Variants in NIN observed in about 807,000 individuals in gnomAD.
NIN encodes glycogen synthase kinase 3 beta-interacting protein.
NIN carries 137 observed loss-of-function variants against 257.6 expected under a neutral mutation model. That is an observed-to-expected ratio of 0.53 (90% CI 0.46 to 0.61). The LOEUF is 0.61. NIN is among the 20% of genes least tolerant of loss of function. The pLI, the probability that NIN is intolerant of heterozygous loss-of-function variation, is 0.00. For missense variants in NIN, 2,439 were observed against 2,501.2 expected, an observed-to-expected ratio of 0.98 and a Z score of 0.53; for synonymous variants, 918 against 919.8, an observed-to-expected ratio of 1.00 and a Z score of 0.04.
Position 50,766,336 on chromosome 14 carries a change from T to A in NIN, c.1606A>T (p.Met536Leu), listed in dbSNP as rs1299054128. ...FFLQEERLTQ[M>L]RNEYERQCRV... The stretch of plus-strand genomic sequence containing the variant: ...CACTGCCGCTCATATTCATTTCTCA[T>A]CTGTGTCAGTCTCTCTTCTTGCAGG... Residue 536 changes from methionine (M) to leucine (L), a missense_variant, in exon 14 of 31, where the codon ATG becomes TTG. By Grantham distance (15) the Met-to-Leu change is conservative. This residue lies in a region of NIN where 2,043 missense variants were observed against 2,050.2 expected (regional missense o/e 1.00). Transcript: ENST00000530997. 1.9e-6 allele frequency: 3 copies of A among 1,613,978 alleles called. No homozygotes were observed. Among genetic ancestry groups the A allele is most frequent in the East Asian group, 4.5e-5 (2 of 44,888 alleles).
chr14:50,745,128 C>T (rs993227747), intron 22 of NIN, among the ~76,000 whole-genome samples: 4 of 152,034 alleles, frequency 2.6e-5, no homozygotes, highest in Non-Finnish European at 5.9e-5. Flanking sequence ...TCAAGACAAA[C>T]CAAATACTGT....
Position 50,757,521 on chromosome 14 carries a change from A to G in NIN, c.3509T>C (p.Ile1170Thr). Residue 1170 changes from isoleucine to threonine, a missense_variant, in exon 18 of 31, where the codon ATA becomes ACA. This residue lies in a region of NIN where 2,043 missense variants were observed against 2,050.2 expected (regional missense o/e 1.00). Transcript: ENST00000530997. ...CTCTACTGAAGCTTCAGACTCCTCT[A>G]TTTTGACTTCCTGTCTCTGAACAGA... The part of the protein sequence containing the change: ...TSSVQRQEVK[I>T]EESEASVEGF... The G allele has an allele frequency of 6.2e-6, 10 of 1,613,844 alleles. No homozygotes were observed. Among genetic ancestry groups the G allele is most frequent in the Non-Finnish European group, 7.6e-6 (9 of 1,179,938 alleles).
At chr14:50,821,742 CA>C in intron 3 of NIN, 131 bp downstream of exon 3, 1 of 730,840 alleles carries the variant, frequency 1.4e-6, no homozygotes, top group Non-Finnish European at 2.3e-6. Context: ...ACACCCATTA[CA>C]TTCTTCTTTT....
At chr14:50,794,749 T>G (rs2043759468) in intron 4 of NIN, among the ~76,000 whole-genome samples, 1 of 146,782 alleles carries the variant, frequency 6.8e-6, no homozygotes, top group African/African-American at 2.6e-5. Flanking sequence ...CATGCTGCAC[T>G]TATTCAGAGG....
At chr14:50,785,306 T>C (rs571939281) in intron 5 of NIN, among the ~76,000 whole-genome samples, 3 of 152,300 alleles carry the variant, frequency 2.0e-5, no homozygotes, top group South Asian at 4.1e-4. Context: ...CTGCCCACAA[T>C]AGCCCAGCCG....
intron 20 of NIN, 49 bp from the exon 21 acceptor site, chr14:50,752,782 TAAAAA>T (rs3083537): frequency 5.8e-6 from 4 of 695,526 alleles, no homozygotes; most frequent in Admixed American, 3.3e-5. Context: ...CTACTTGTGC[TAAAAA>T]AAAAAAAAAA....
At chr14:50,730,960 T>C (rs2040664011) in intron 28 of NIN, 1 of 1,347,760 alleles carries the variant, frequency 7.4e-7, no homozygotes, top group Non-Finnish European at 9.8e-7. Context: ...TGCACCCTTC[T>C]CTGCTACTTC....
chr14:50,813,271 A>G (rs1446217697), intron 3 of NIN, among the ~76,000 whole-genome samples: 3 of 152,256 alleles, frequency 2.0e-5, no homozygotes, highest in Non-Finnish European at 4.4e-5. Context: ...AATACAATTA[A>G]GTCTCACAAG....
In NIN at chr14:50,735,370, G is replaced by A; in HGVS notation, c.5877+146C>T. ...GAAGCAAAGTTGTCTGTTAAACTTG[G>A]TAAGGCGGACCAAAGAATTCAACTT... On this transcript the variant is annotated intron_variant, in intron 28 of 30. Transcript: ENST00000530997. 1.2e-5 allele frequency: 14 copies of A among 1,193,760 alleles called. No individual in the cohort carries two copies. The South Asian group carries it at 2.5e-4, about 21-fold the overall frequency. 73.9% of individuals were successfully genotyped at this position (1,193,760 alleles called of 1,614,324 possible). A position where few individuals can be genotyped will look rare whatever the true frequency, so the allele number is the denominator to read the frequency against.
chr14:50,823,383 A>G, intron 2 of NIN: 1 of 491,406 alleles, frequency 2.0e-6, no homozygotes, highest in South Asian at 1.6e-5. Flanking sequence ...CTTTAATCCA[A>G]GCCAAATTAC....
In NIN at chr14:50,795,641, C is replaced by A. The variant is rs1344482003; in HGVS notation, c.266-2760G>T. ...ACATCCAGATGGAACCTTTATTTTT[C>A]AGGGTGTCATTCTGGAATAATCTTA... is the stretch of plus-strand genomic sequence containing the variant. On this transcript the variant is annotated intron_variant, in intron 4 of 30. Coordinates refer to ENST00000530997, the MANE Select transcript of NIN (RefSeq NM_020921.4). Among the ~76,000 whole-genome samples the A allele has an allele frequency of 5.3e-5, 8 of 152,170 alleles. 1 individual carries two copies. Among genetic ancestry groups the A allele is most frequent in the Admixed American group, 5.2e-4 (8 of 15,276 alleles).
intron 24 of NIN, chr14:50,741,930 T>C: frequency 2.0e-6 from 1 of 511,212 alleles, no homozygotes; most frequent in Non-Finnish European, 3.4e-6. Context: ...AGGACAATGA[T>C]GAACTATGTC....
chr14:50,821,828 A>G (rs1270385891), intron 3 of NIN, 46 bp downstream of exon 3: 39 of 1,533,012 alleles, frequency 2.5e-5, no homozygotes, highest in Non-Finnish European at 3.4e-5. Context: ...ACCCCGGCAG[A>G]AACCGCACCC....
intron 5 of NIN, among the ~76,000 whole-genome samples, chr14:50,789,320 A>T (rs1406554771): frequency 6.6e-6 from 1 of 152,078 alleles, no homozygotes; most frequent in Non-Finnish European, 1.5e-5. Flanking sequence ...CACGCCTGTA[A>T]TCCCAGCACT....
chr14:50,742,738 G>A (rs148779149), intron 24 of NIN, among the ~76,000 whole-genome samples: 43 of 152,096 alleles, frequency 2.8e-4, no homozygotes, highest in Middle Eastern at 3.4e-3. Flanking sequence ...CGCTAATACC[G>A]CATATAAATT....
intron 29 of NIN, among the ~76,000 whole-genome samples, 191 bp downstream of exon 29, chr14:50,729,332 T>C (rs1164043892): frequency 2.0e-5 from 3 of 151,822 alleles, no homozygotes; most frequent in African/African-American, 7.3e-5. Context: ...TTCACACACA[T>C]GATCGTAGCT....
chr14:50,770,915 A>G lies in NIN; in HGVS notation c.1196T>C (p.Leu399Ser). 1 of 1,614,168 alleles carries G rather than the reference A, an allele frequency of 6.2e-7. No homozygotes were observed. Among genetic ancestry groups the G allele is most frequent in the Non-Finnish European group, 8.5e-7 (1 of 1,180,018 alleles). Residue 399 changes from leucine (L) to serine (S), a missense_variant, in exon 11 of 31, where the codon TTA (leucine) becomes TCA (serine). Physicochemically the swap from Leu to Ser is moderately radical, Grantham distance 145. Coordinates refer to ENST00000530997, the MANE Select transcript of NIN (RefSeq NM_020921.4). ...DLDKAEKLKS[L>S]MASEVDDHHA... ...GTGATCATCCACCTCCGAGGCCATT[A>G]AAGACTTGAGCTTCTCGGCCTTGTC...
At chr14:50,750,381 C>T (rs2041736917) in intron 21 of NIN, among the ~76,000 whole-genome samples, 1 of 152,174 alleles carries the variant, frequency 6.6e-6, no homozygotes, top group South Asian at 2.1e-4. Flanking sequence ...TCAGAGGGCT[C>T]ATCTTAGCAT....
At chr14:50,808,182 G>A (rs534904556) in intron 3 of NIN, among the ~76,000 whole-genome samples, 2 of 152,290 alleles carry the variant, frequency 1.3e-5, no homozygotes, top group East Asian at 1.9e-4. Context: ...TCTTTGAAAG[G>A]GTAAACGACT....
Sources: allele counts gnomAD v4.1 joint callset (sites outside exome capture counted in the v4.1 genomes callset), GRCh38; gene constraint gnomAD v4.1.1; regional missense constraint gnomAD v4.1.1; transcripts MANE v1.5; gene names NCBI Gene and HGNC (gene_info 2026-07-23, HGNC 2026-07-21).